The following ATG7 variants were observed in gnomAD, a reference collection of about 807,000 sequenced individuals.
ATG7 encodes the protein autophagy related 7.
ATG7 carries 70 observed loss-of-function variants against 82.4 expected under a neutral mutation model. The ratio of observed to expected loss-of-function variants is 0.85; its 90% CI spans 0.70 to 1.04. The LOEUF (loss-of-function observed/expected upper bound fraction) is 1.04, where lower values mean the gene tolerates loss of function less well. Among genes scored for constraint, ATG7 ranks in the 50% least tolerant of loss-of-function variants. The pLI is 0.00. For missense variants in ATG7, 792 were observed against 864.3 expected, an observed-to-expected ratio of 0.92 and a Z score of 1.05; for synonymous variants, 287 against 313.0, an observed-to-expected ratio of 0.92 and a Z score of 0.88.
chr3:11,546,453 T>C (rs2071300294), intron 20 of ATG7, among the ~76,000 whole-genome samples: 1 of 152,186 alleles, frequency 6.6e-6, no homozygotes, highest in African/African-American at 2.4e-5. Context: ...ATTACAGGCG[T>C]GAGCCACTGC....
chr3:11,328,606 T>C (rs1951202605), intron 9 of ATG7, among the ~76,000 whole-genome samples: 1 of 152,190 alleles, frequency 6.6e-6, no homozygotes, highest in African/African-American at 2.4e-5. Context: ...ACAGTAAATA[T>C]CTGATAAGAC....
intron 20 of ATG7, among the ~76,000 whole-genome samples, chr3:11,552,289 A>G (rs999378781): frequency 1.3e-5 from 2 of 152,226 alleles, no homozygotes; most frequent in African/African-American, 4.8e-5. Context: ...ATCTTTTAAA[A>G]AATATGGTAC....
At chr3:11,298,156 CAG>C (rs1387623143) in intron 3 of ATG7, among the ~76,000 whole-genome samples, 2 of 150,674 alleles carry the variant, frequency 1.3e-5, no homozygotes, top group Non-Finnish European at 2.9e-5. Flanking sequence ...TCCAGTGCAA[CAG>C]AGTGAGACTC....
At chr3:11,535,391 G>A (rs2092771204) in intron 20 of ATG7, among the ~76,000 whole-genome samples, 1 of 152,208 alleles carries the variant, frequency 6.6e-6, no homozygotes, top group African/African-American at 2.4e-5. Flanking sequence ...AGTCCCTGTG[G>A]AGGAACCCTG....
chr3:11,440,562 G>A (rs2152967301), intron 20 of ATG7, among the ~76,000 whole-genome samples: 1 of 149,574 alleles, frequency 6.7e-6, no homozygotes, highest in Non-Finnish European at 1.5e-5. Flanking sequence ...CTGACCTCGT[G>A]ATCCGCCCGC....
chr3:11,295,642 T>C (rs1448360072), intron 3 of ATG7, among the ~76,000 whole-genome samples: 1 of 152,252 alleles, frequency 6.6e-6, no homozygotes, highest in Non-Finnish European at 1.5e-5. Flanking sequence ...TCATTTTCTT[T>C]GATTCCTAGT....
Position 11,479,000 on chromosome 3 carries a change from ACACACACACACACACACAC to A in ATG7, c.2079+52075_2079+52093del, listed in dbSNP as rs1559709238. On this transcript the variant is annotated intron_variant, in intron 20 of 20. Transcript: ENST00000693202. ...GCCTGTATATTTACAACACACACAC[ACACACACACACACACACAC>A]ACACACACACACACACACACAATTT... 7.2e-4 allele frequency among the ~76,000 whole-genome samples: 109 copies of A among 150,464 alleles called. 1 individual carries two copies. Among genetic ancestry groups the A allele is most frequent in the African/African-American group, 2.6e-3 (105 of 40,876 alleles).
Position 11,339,308 on chromosome 3 carries a change from A to AAAG in ATG7, c.890-1335_890-1334insGAA, listed in dbSNP as rs1953106088. ...GAGACTCTGTTTCAAAAAAAAAAAA[A>AAAG]AAAAAGAAAAGAAAAGAAAACCAGC... On this transcript the variant is annotated intron_variant, in intron 11 of 20. Coordinates refer to ENST00000693202, the MANE Select transcript of ATG7 (RefSeq NM_001349232.2). Among the ~76,000 whole-genome samples, 3 of 144,800 alleles carry AAAG rather than the reference A, an allele frequency of 2.1e-5. No homozygotes were observed. In the South Asian group the frequency reaches 6.7e-4, roughly 32 times the overall value. 95.0% of individuals were successfully genotyped at this position (144,800 alleles called of 152,430 possible).
intron 12 of ATG7, 80 bp from the exon 13 acceptor site, chr3:11,342,055 T>A (rs187244394): frequency 2.5e-5 from 36 of 1,423,652 alleles, no homozygotes; most frequent in South Asian, 1.8e-4. Context: ...TCTTATTTTC[T>A]TGCATAGCCA....
chr3:11,467,782 C>T (rs927096022), intron 20 of ATG7, among the ~76,000 whole-genome samples: 2 of 152,162 alleles, frequency 1.3e-5, no homozygotes, highest in Non-Finnish European at 1.5e-5. Context: ...CAAATATAAT[C>T]CCCATAAAGG....
the ATG7 span, among the ~76,000 whole-genome samples, chr3:11,570,118 T>C: frequency 6.6e-6 from 1 of 151,924 alleles, no homozygotes; most frequent in African/African-American, 2.4e-5. Context: ...GTCAGCACCA[T>C]CCCAGTTTTA....
chr3:11,370,486 G>A (rs953536818), intron 18 of ATG7, among the ~76,000 whole-genome samples: 14 of 151,312 alleles, frequency 9.3e-5, no homozygotes, highest in African/African-American at 2.4e-4. Context: ...ATCCAAGATC[G>A]ATCTGGAGTT....
rs371008707 is a variant in ATG7 at position 11,358,628 on chromosome 3, A to G, written c.1479+16A>G. The G allele has an allele frequency of 5.0e-6, 8 of 1,608,726 alleles. No individual in the cohort carries two copies. The African/African-American group carries it at 1.1e-4, about 22-fold the overall frequency. The stretch of plus-strand genomic sequence containing the variant: ...CAAGAGAAAGGTAGGCCCTGTCTCT[A>G]ATTATGATTTATGATTTAATGCACC... On this transcript the variant is annotated intron_variant, in intron 15 of 20. Transcript: ENST00000693202.
chr3:11,461,007 T>G (rs2086251035), intron 20 of ATG7, among the ~76,000 whole-genome samples: 1 of 152,198 alleles, frequency 6.6e-6, no homozygotes. Flanking sequence ...GTCATCTTTT[T>G]GGAGTCTTGA....
intron 19 of ATG7, among the ~76,000 whole-genome samples, chr3:11,407,077 T>G (rs1054350205): frequency 6.6e-6 from 1 of 152,252 alleles, no homozygotes; most frequent in Admixed American, 6.5e-5. Context: ...CTTCTGCCTA[T>G]GAGCCTATAT....
At chr3:11,411,581 CT>C (rs1164447376) in intron 19 of ATG7, among the ~76,000 whole-genome samples, 1 of 135,034 alleles carries the variant, frequency 7.4e-6, no homozygotes, top group East Asian at 2.2e-4. Context: ...GATCACGCCA[CT>C]GCACTCCAGC....
intron 11 of ATG7, among the ~76,000 whole-genome samples, chr3:11,338,452 A>G (rs1952908298): frequency 6.6e-6 from 1 of 151,682 alleles, no homozygotes; most frequent in Non-Finnish European, 1.5e-5. Context: ...CAAAATATCA[A>G]TTAATGGCAG....
At chr3:11,402,903 TAATC>T (rs1228035855) in intron 19 of ATG7, among the ~76,000 whole-genome samples, 2 of 152,246 alleles carry the variant, frequency 1.3e-5, no homozygotes, top group Admixed American at 1.3e-4. Context: ...ATTTAGCAGT[TAATC>T]AAATTAGATT....
In ATG7 at chr3:11,306,885, G is replaced by A. The variant is rs1947836670; in HGVS notation, c.216-58G>A. ...ATCCCACTACAGTGGTGGTTGACTTGTCTCTCCCTGGCTGAGTCCCAGCTG... is the reference window on the plus strand; with the variant it reads ...ATCCCACTACAGTGGTGGTTGACTTATCTCTCCCTGGCTGAGTCCCAGCTG... On this transcript the variant is annotated intron_variant, in intron 5 of 20. Coordinates refer to ENST00000693202, the MANE Select transcript of ATG7 (RefSeq NM_001349232.2). 4 of 1,379,726 alleles carry A rather than the reference G, an allele frequency of 2.9e-6. No individual in the cohort carries two copies. The East Asian group carries it at 9.2e-5, about 32-fold the overall frequency. 85.5% of individuals were successfully genotyped at this position (1,379,726 alleles called of 1,614,324 possible). A position where few individuals can be genotyped will look rare whatever the true frequency, so the allele number is the denominator to read the frequency against.
Sources: allele counts gnomAD v4.1 joint callset (sites outside exome capture counted in the v4.1 genomes callset), GRCh38; gene constraint gnomAD v4.1.1; transcripts MANE v1.5; gene names NCBI Gene and HGNC (gene_info 2026-07-23, HGNC 2026-07-21).